Variants in RSU1 observed in about 807,000 individuals in gnomAD.
RSU1 encodes the protein Ras suppressor protein 1.
A neutral mutation model predicts 31.1 loss-of-function variants in RSU1; 26 were observed. The ratio of observed to expected loss-of-function variants is 0.84; its 90% confidence interval spans 0.61 to 1.16. The LOEUF (loss-of-function observed/expected upper bound fraction) is 1.16. RSU1 is among the 50% of genes most tolerant of loss of function. The pLI is 0.00. For synonymous variants in RSU1, 164 were observed against 136.3 expected (o/e 1.20, Z -1.41); for missense variants, 320 against 339.1 (o/e 0.94, Z 0.44).
chr10:16,792,319 A>G (rs3780968), intron 2 of RSU1, among the ~76,000 whole-genome samples: 33,217 of 151,896 alleles, frequency 0.22, 3,783 homozygotes, highest in Middle Eastern at 0.26. Flanking sequence ...TACAACCTCC[A>G]CCTCCCGAGT....
chr10:16,782,886 G>A (rs1008824640), intron 2 of RSU1, among the ~76,000 whole-genome samples: 1 of 150,786 alleles, frequency 6.6e-6, no homozygotes, highest in Non-Finnish European at 1.5e-5. Flanking sequence ...ATATACACGT[G>A]TGTGTGTGTA....
intron 3 of RSU1, among the ~76,000 whole-genome samples, chr10:16,779,360 C>T (rs1434234118): frequency 3.3e-5 from 5 of 152,168 alleles, no homozygotes; most frequent in East Asian, 3.8e-4. Flanking sequence ...GCTTCCTTGT[C>T]GCCTCACTTT....
chr10:16,754,745 G>A, intron 5 of RSU1, 126 bp downstream of exon 5: 1 of 659,186 alleles, frequency 1.5e-6, no homozygotes, highest in Non-Finnish European at 2.7e-6. Context: ...TTCAAAAGGA[G>A]TCTCTAAAGA....
At chr10:16,792,382 A>G (rs1837941431) in intron 2 of RSU1, among the ~76,000 whole-genome samples, 1 of 152,104 alleles carries the variant, frequency 6.6e-6, no homozygotes. Context: ...ACAGGCACGC[A>G]CCACCACAAC....
chr10:16,669,725 A>G (rs1000669711), intron 8 of RSU1, among the ~76,000 whole-genome samples: 2 of 152,170 alleles, frequency 1.3e-5, no homozygotes, highest in Non-Finnish European at 2.9e-5. Flanking sequence ...AATGGCTTCC[A>G]GCTCCATCCG....
rs773051272 is a variant in RSU1, at chr10:16,752,523, T to A, written c.598+16A>T. ...TCATGAAACCCAGAACTAAGTTCAT[T>A]CATCAGCAACCTTACCTAGTTCTGG... On this transcript the variant is annotated intron_variant, in intron 7 of 8. Transcript: ENST00000345264. 4 of 1,578,706 alleles carry A rather than the reference T, an allele frequency of 2.5e-6. No homozygotes were observed. In the African/African-American group the frequency reaches 5.4e-5, roughly 21 times the overall value.
chr10:16,684,842 C>T (rs1054693759), intron 8 of RSU1, among the ~76,000 whole-genome samples: 1 of 152,102 alleles, frequency 6.6e-6, no homozygotes, highest in Non-Finnish European at 1.5e-5. Context: ...TAACCTGTCA[C>T]AAAAAAACCC....
chr10:16,806,395 C>G (rs1468750704), intron 2 of RSU1, among the ~76,000 whole-genome samples: 1 of 152,110 alleles, frequency 6.6e-6, no homozygotes, highest in Non-Finnish European at 1.5e-5. Context: ...ACACTGCTTC[C>G]GACGTCTGCA....
At chr10:16,809,208 T>C (rs1028821031) in intron 2 of RSU1, among the ~76,000 whole-genome samples, 9 of 152,208 alleles carry the variant, frequency 5.9e-5, no homozygotes, top group African/African-American at 2.2e-4. Context: ...ATGGGGACAC[T>C]GCAAATTCCA....
intron 7 of RSU1, among the ~76,000 whole-genome samples, chr10:16,716,543 C>A (rs1222842591): frequency 6.6e-6 from 1 of 151,730 alleles, no homozygotes; most frequent in Non-Finnish European, 1.5e-5. Flanking sequence ...CTGCCACCTC[C>A]TTCCATACAT....
chr10:16,816,437 G>A (rs1282428997), intron 2 of RSU1, among the ~76,000 whole-genome samples: 1 of 152,206 alleles, frequency 6.6e-6, no homozygotes, highest in Non-Finnish European at 1.5e-5. Flanking sequence ...ACTGGGCAGT[G>A]AAACTGAAGG....
chr10:16,627,138 C>T (rs1297425284), intron 8 of RSU1, among the ~76,000 whole-genome samples: 1 of 152,220 alleles, frequency 6.6e-6, no homozygotes, highest in East Asian at 1.9e-4. Flanking sequence ...GTAGCTAGAA[C>T]ATCACTTCGC....
chr10:16,755,664 C>T (rs1193384288), intron 4 of RSU1, among the ~76,000 whole-genome samples: 1 of 152,150 alleles, frequency 6.6e-6, no homozygotes, highest in East Asian at 1.9e-4. Flanking sequence ...TTGTTATTAA[C>T]TGCAGTCACC....
At chr10:16,741,475 A>G (rs1032026686) in intron 7 of RSU1, among the ~76,000 whole-genome samples, 2 of 152,176 alleles carry the variant, frequency 1.3e-5, no homozygotes. Context: ...TGAACATACT[A>G]AAAAACACTG....
intron 8 of RSU1, among the ~76,000 whole-genome samples, chr10:16,594,113 C>T (rs984244838): frequency 8.6e-5 from 13 of 151,930 alleles, no homozygotes; most frequent in South Asian, 2.1e-4. Context: ...GGTAATTAAT[C>T]GATAATTTAT....
intron 8 of RSU1, among the ~76,000 whole-genome samples, chr10:16,630,442 C>A (rs78971691): frequency 6.6e-6 from 1 of 152,226 alleles, no homozygotes; most frequent in South Asian, 2.1e-4. Context: ...AAGGGTCTGT[C>A]GGCCTCTTTC....
Position 16,754,887 on chromosome 10 carries a change from T to C in RSU1, c.384A>G (p.Gly128=). The C allele has an allele frequency of 6.2e-7, 1 of 1,607,788 alleles. No homozygotes were observed. Among genetic ancestry groups the C allele is most frequent in the Non-Finnish European group, 8.5e-7 (1 of 1,175,144 alleles). Residue 128 remains glycine (G), a synonymous_variant, in exon 5 of 9, where the codon GGA becomes GGG. Transcript: ENST00000345264. ...YNNLSENSLP[G]NFFYLTTLRA... ...GTTTCTTACTCAGGTAGAAGAAGTT[T>C]CCAGGAAGAGAATTTTCGCTCAAGT...
chr10:16,684,178 C>G (rs1835393698), intron 8 of RSU1, among the ~76,000 whole-genome samples: 1 of 152,218 alleles, frequency 6.6e-6, no homozygotes, highest in Admixed American at 6.5e-5. Flanking sequence ...TTTTCACCCA[C>G]AAAGGATGGC....
chr10:16,701,831 A>C (rs978229330), intron 7 of RSU1, among the ~76,000 whole-genome samples: 1 of 152,186 alleles, frequency 6.6e-6, no homozygotes, highest in East Asian at 1.9e-4. Flanking sequence ...GGGATAGAAG[A>C]AGCTCTCAGT....
Sources: gnomAD v4.1 joint callset for allele counts (sites outside exome capture counted in the v4.1 genomes callset) on GRCh38, gnomAD v4.1.1 for gene constraint, MANE v1.5 for transcripts, NCBI Gene and HGNC (gene_info 2026-07-23, HGNC 2026-07-21) for gene names.